The following RANBP2 variants were observed in gnomAD, a reference collection of about 807,000 sequenced individuals.
RANBP2 encodes RAN binding protein 2.
Under a neutral mutation model 303.6 loss-of-function variants are expected in RANBP2, and 57 were observed. The ratio of observed to expected loss-of-function variants is 0.19; its 90% CI spans 0.15 to 0.23. RANBP2 has a LOEUF of 0.23. Among genes scored for constraint, RANBP2 ranks in the 10% least tolerant of loss-of-function variants. The pLI is 1.00. For missense variants in RANBP2, 3,138 were observed against 3,780.8 expected, an observed-to-expected ratio of 0.83 and a Z score of 4.46; for synonymous variants, 1,167 against 1,301.5, an observed-to-expected ratio of 0.90 and a Z score of 2.23.
chr2:109,348,686 A>G, the RANBP2 span, among the ~76,000 whole-genome samples: 1 of 152,154 alleles, frequency 6.6e-6, no homozygotes. Flanking sequence ...TGTGTAAACC[A>G]AAGCTCTGAG....
the RANBP2 span, among the ~76,000 whole-genome samples, chr2:108,837,176 T>G: frequency 6.6e-6 from 1 of 152,328 alleles, no homozygotes; most frequent in South Asian, 2.1e-4. Context: ...TGTGGGCTTT[T>G]TATATATAGC....
the RANBP2 span, among the ~76,000 whole-genome samples, chr2:108,809,941 GA>G: frequency 6.6e-6 from 1 of 152,102 alleles, no homozygotes; most frequent in Admixed American, 6.6e-5. Context: ...GAGTAGCTGG[GA>G]TTACAGGCAT....
the RANBP2 span, among the ~76,000 whole-genome samples, chr2:109,316,445 G>A: frequency 0.31 from 47,391 of 152,050 alleles, 9,148 homozygotes; most frequent in African/African-American, 0.55. Context: ...TGTGATGTCA[G>A]TGTGATCTTC....
chr2:109,498,167 A>C, the RANBP2 span, among the ~76,000 whole-genome samples: 3 of 152,166 alleles, frequency 2.0e-5, no homozygotes, highest in South Asian at 6.2e-4. Context: ...TCCCGCCTGC[A>C]TGTCCCTGAG....
the RANBP2 span, among the ~76,000 whole-genome samples, chr2:109,146,831 T>C: frequency 4.0e-5 from 4 of 99,786 alleles, no homozygotes; most frequent in Admixed American, 1.4e-4. Flanking sequence ...CTCCCCTTCC[T>C]AACCCTCCCC....
At chr2:109,371,729 T>C in the RANBP2 span, 12 of 1,540,342 alleles carry the variant, frequency 7.8e-6, no homozygotes, top group Middle Eastern at 3.4e-4. Flanking sequence ...TGCCCACCCT[T>C]GTTTCACTAC....
the RANBP2 span, among the ~76,000 whole-genome samples, chr2:109,225,771 C>A: frequency 6.6e-6 from 1 of 152,164 alleles, no homozygotes; most frequent in African/African-American, 2.4e-5. Flanking sequence ...TGCTTTCTTT[C>A]GTTCTTAAAA....
chr2:109,672,290 A>G, the RANBP2 span, among the ~76,000 whole-genome samples: 2 of 152,236 alleles, frequency 1.3e-5, no homozygotes, highest in Admixed American at 6.5e-5. Flanking sequence ...TCTCTCTCAC[A>G]TATTAGTCTG....
the RANBP2 span, among the ~76,000 whole-genome samples, chr2:109,318,622 G>A: frequency 1.3e-5 from 2 of 152,164 alleles, no homozygotes; most frequent in Non-Finnish European, 2.9e-5. Context: ...GCTCACACTG[G>A]GGGCAGCATT....
the RANBP2 span, among the ~76,000 whole-genome samples, chr2:109,524,444 CAAAAA>C: frequency 1.2e-5 from 1 of 84,434 alleles, no homozygotes; most frequent in East Asian, 4.1e-4. Flanking sequence ...GACCCTGTCT[CAAAAA>C]AAAAAAAAAA....
chr2:109,421,527 A>G, the RANBP2 span, among the ~76,000 whole-genome samples: 42 of 152,346 alleles, frequency 2.8e-4, no homozygotes, highest in Non-Finnish European at 5.6e-4. Context: ...ACCATGGACA[A>G]ACCTCCATGT....
chr2:109,261,388 T>C, the RANBP2 span, among the ~76,000 whole-genome samples: 1 of 152,212 alleles, frequency 6.6e-6, no homozygotes, highest in South Asian at 2.1e-4. Context: ...TTTGTTTTCA[T>C]TGTAATTACA....
At chr2:109,721,732 G>A in the RANBP2 span, among the ~76,000 whole-genome samples, 9 of 152,188 alleles carry the variant, frequency 5.9e-5, no homozygotes, top group South Asian at 1.2e-3. Flanking sequence ...GTTACCCTCA[G>A]CCCTAGGTGC....
chr2:109,366,374 C>A, the RANBP2 span, among the ~76,000 whole-genome samples: 1 of 152,166 alleles, frequency 6.6e-6, no homozygotes, highest in Non-Finnish European at 1.5e-5. Context: ...TATGTACTGT[C>A]ACTAAATGAT....
At chr2:109,078,274 A>AGCG in the RANBP2 span, among the ~76,000 whole-genome samples, 1 of 49,148 alleles carries the variant, frequency 2.0e-5, no homozygotes, top group Non-Finnish European at 4.4e-5. Flanking sequence ...GCGCGTATAT[A>AGCG]TATATATATA....
intron 18 of RANBP2, among the ~76,000 whole-genome samples, chr2:108,760,253 T>G (rs1676633281): frequency 6.6e-6 from 1 of 152,230 alleles, no homozygotes; most frequent in African/African-American, 2.4e-5. Context: ...TGAGAGCATT[T>G]CCTTCTAGTT....
At chr2:108,985,603 C>G in the RANBP2 span, among the ~76,000 whole-genome samples, 1 of 152,210 alleles carries the variant, frequency 6.6e-6, no homozygotes, top group African/African-American at 2.4e-5. Flanking sequence ...GCAAGAGGAT[C>G]TGGGCAAGGA....
At chr2:108,785,809 AC>A (rs1385514446), downstream of RANBP2, 1 of 152,232 alleles carries the variant, frequency 6.6e-6, no homozygotes, top group Admixed American at 6.5e-5. Flanking sequence ...CATTATTTGT[AC>A]ATCTTAAGTG....
At chr2:109,149,716 C>G in the RANBP2 span, among the ~76,000 whole-genome samples, 3 of 152,184 alleles carry the variant, frequency 2.0e-5, no homozygotes, top group Non-Finnish European at 4.4e-5. Context: ...GTGGTGCTTA[C>G]GTTCTAATTG....
Sources: gnomAD v4.1 joint callset for allele counts (sites outside exome capture counted in the v4.1 genomes callset) on GRCh38, gnomAD v4.1.1 for gene constraint, MANE v1.5 for transcripts, NCBI Gene and HGNC (gene_info 2026-07-23, HGNC 2026-07-21) for gene names.